The following OSBP variants were observed in gnomAD, a reference collection of about 807,000 sequenced individuals.
The protein encoded by OSBP is oxysterol-binding protein 1.
Under a neutral mutation model 96.6 loss-of-function variants are expected in OSBP, and 32 were observed. The observed-to-expected ratio is 0.33, with a 90% CI of 0.25 to 0.45. The LOEUF (loss-of-function observed/expected upper bound fraction) is 0.45, where lower values mean the gene tolerates loss of function less well. OSBP is among the 20% of genes least tolerant of loss of function. OSBP has a pLI of 1.00. For missense variants in OSBP, 653 were observed against 1,029.7 expected, an observed-to-expected ratio of 0.63 and a Z score of 5.01; for synonymous variants, 369 against 389.6, an observed-to-expected ratio of 0.95 and a Z score of 0.62.
rs1860913083 is a variant in OSBP, at chr11:59,615,448, C to A, written c.217G>T (p.Ala73Ser). 2 of 1,463,580 alleles carry A rather than the reference C, an allele frequency of 1.4e-6. No individual in the cohort carries two copies. The highest frequency in any genetic ancestry group is 1.5e-5 in the African/African-American group (1 of 67,630). 90.7% of individuals were successfully genotyped at this position (1,463,580 alleles called of 1,614,324 possible). A position where few individuals can be genotyped will look rare whatever the true frequency, so the allele number is the denominator to read the frequency against. The change falls in exon 1 of 14, where the codon GCG (alanine) becomes TCG (serine). Residue 73 changes from alanine to serine, a missense_variant. By Grantham distance (99) the Ala-to-Ser change is moderately conservative. Around this residue, in one of 6 missense-constraint regions of OSBP, gnomAD observed 151 missense variants for 146.1 expected, o/e 1.03. Transcript: ENST00000263847. ...CCGCCCGAGCCCCCAGTCGGCGGCG[C>A]AGGGGCCGGGCCAGCCGCCGCCACT... is the stretch of plus-strand genomic sequence containing the variant. ...GGVAAAGPAP[A>S]PPTGGSGGSG... is the part of the protein sequence containing the mutation.
intron 1 of OSBP, among the ~76,000 whole-genome samples, chr11:59,610,860 T>A (rs1028263967): frequency 6.6e-6 from 1 of 151,686 alleles, no homozygotes; most frequent in African/African-American, 2.4e-5. Flanking sequence ...AAATAGGCTT[T>A]ACAGGCCGGG....
chr11:59,594,902 G>A (rs1860629539), intron 7 of OSBP, among the ~76,000 whole-genome samples: 1 of 152,092 alleles, frequency 6.6e-6, no homozygotes, highest in African/African-American at 2.4e-5. Flanking sequence ...ACCAAGTACT[G>A]GATAAAGCAA....
At chr11:59,615,140 C>G (rs979061333) in intron 1 of OSBP, among the ~76,000 whole-genome samples, 163 bp downstream of exon 1, 4 of 152,234 alleles carry the variant, frequency 2.6e-5, no homozygotes, top group African/African-American at 2.4e-5. Context: ...TTTTCACTTT[C>G]GTGACAGTGG....
chr11:59,599,938 C>T (rs1003703748), intron 7 of OSBP, among the ~76,000 whole-genome samples: 4 of 152,154 alleles, frequency 2.6e-5, no homozygotes, highest in Admixed American at 2.0e-4. Context: ...CAGCTGAGGA[C>T]TGACATGACT....
At chr11:59,598,041 C>T (rs1860679681) in intron 7 of OSBP, among the ~76,000 whole-genome samples, 2 of 152,262 alleles carry the variant, frequency 1.3e-5, no homozygotes, top group Admixed American at 6.5e-5. Flanking sequence ...GGTCTCCCCA[C>T]GTTGCCCAGA....
chr11:59,601,452 C>A, intron 4 of OSBP, 67 bp from the exon 5 acceptor site: 4 of 1,271,630 alleles, frequency 3.1e-6, no homozygotes, highest in Admixed American at 1.8e-5. Flanking sequence ...ATAGCAAGTT[C>A]TTTTAAATAC....
rs1860830072 is a variant in OSBP, at chr11:59,610,427, G to A, written c.525C>T (p.Ala175=). The A allele has an allele frequency of 1.2e-6, 2 of 1,613,678 alleles. No homozygotes were observed. Among genetic ancestry groups the A allele is most frequent in the Admixed American group, 1.7e-5 (1 of 60,010 alleles). The change falls in exon 2 of 14, where the codon GCC becomes GCT. Residue 175 remains alanine, a synonymous_variant. Coordinates refer to ENST00000263847, the MANE Select transcript of OSBP (RefSeq NM_002556.3). Reference sequence around the variant, plus strand: ...CAGCTTTGGCCTTGGCCAGTTCCAGGGCCGTCACCCAGCGCTGCCGCTCAA... The same window carrying A: ...CAGCTTTGGCCTTGGCCAGTTCCAGAGCCGTCACCCAGCGCTGCCGCTCAA... ...SEVERQRWVT[A]LELAKAKAVK... is the part of the protein sequence containing the mutation.
chr11:59,605,666 G>A (rs1447644683), intron 3 of OSBP, among the ~76,000 whole-genome samples: 1 of 152,170 alleles, frequency 6.6e-6, no homozygotes, highest in Non-Finnish European at 1.5e-5. Context: ...GATTACAGGT[G>A]TGAGGCACCA....
intron 7 of OSBP, among the ~76,000 whole-genome samples, chr11:59,595,367 C>A (rs558581659): frequency 6.6e-6 from 1 of 151,934 alleles, no homozygotes; most frequent in East Asian, 1.9e-4. Flanking sequence ...CCTTAAGCAA[C>A]GCTTTACTTA....
At chr11:59,583,875 T>C (rs1249584431) in intron 9 of OSBP, among the ~76,000 whole-genome samples, 1 of 150,982 alleles carries the variant, frequency 6.6e-6, no homozygotes, top group Non-Finnish European at 1.5e-5. Context: ...ACTGACCTCG[T>C]GATCTGCCCA....
intron 9 of OSBP, among the ~76,000 whole-genome samples, chr11:59,590,899 A>C (rs1860570490): frequency 6.6e-6 from 1 of 152,174 alleles, no homozygotes; most frequent in Admixed American, 6.5e-5. Context: ...CATTCTTTAG[A>C]TTTCTATATT....
chr11:59,607,655 A>G (rs1565120960), intron 3 of OSBP, among the ~76,000 whole-genome samples: 1 of 152,200 alleles, frequency 6.6e-6, no homozygotes, highest in Non-Finnish European at 1.5e-5. Flanking sequence ...TTTATGCAGA[A>G]GGTAACTAAA....
At position 59,576,823 on chromosome 11, in the gene OSBP, T is replaced by C. The variant is rs779352340; in HGVS notation, c.2263A>G (p.Met755Val). ...TCATTACCATCCTCTGTGGCTTTCATAGCTTCCGCTTCTCTCTTCTTTCTG... is the reference window on the plus strand; with the variant it reads ...TCATTACCATCCTCTGTGGCTTTCACAGCTTCCGCTTCTCTCTTCTTTCTG... ...LSRKKREAEA[M>V]KATEDGTPYD... Residue 755 changes from methionine to valine, a missense_variant, in exon 13 of 14, where the codon ATG becomes GTG. Transcript: ENST00000263847. 6 of 1,614,158 alleles carry C rather than the reference T, an allele frequency of 3.7e-6. No homozygotes were observed. The highest frequency in any genetic ancestry group is 1.3e-5 in the African/African-American group (1 of 75,042).
intron 7 of OSBP, among the ~76,000 whole-genome samples, chr11:59,594,721 C>T (rs531169589): frequency 6.6e-6 from 1 of 152,328 alleles, no homozygotes; most frequent in Admixed American, 6.5e-5. Context: ...TTAGTTTCCA[C>T]CCTGGACAAA....
At chr11:59,610,737 A>G (rs1428979523) in intron 1 of OSBP, 148 bp from the exon 2 acceptor site, 2 of 649,244 alleles carry the variant, frequency 3.1e-6, no homozygotes, top group Non-Finnish European at 5.5e-6. Context: ...GGTCCCTAAA[A>G]TTCACGAAAC....
chr11:59,599,272 G>C (rs1163595896), intron 7 of OSBP, among the ~76,000 whole-genome samples: 1 of 152,196 alleles, frequency 6.6e-6, no homozygotes, highest in Non-Finnish European at 1.5e-5. Flanking sequence ...GTATCATTGT[G>C]CTCCTATAAA....
intron 7 of OSBP, among the ~76,000 whole-genome samples, chr11:59,596,901 C>T (rs886909791): frequency 6.6e-6 from 1 of 152,072 alleles, no homozygotes; most frequent in Non-Finnish European, 1.5e-5. Flanking sequence ...AAAAACACTT[C>T]CTAGAGGGAT....
In OSBP at chr11:59,583,430, A is replaced by G. The variant is rs753634896; in HGVS notation, c.1679-1876T>C. On this transcript the variant is annotated intron_variant, in intron 9 of 13. Transcript: ENST00000263847. ...ATTGTGGTTTAGACATGTTTCTTAT[A>G]CAAAAAATTAAAGTAGCCCTAATAA... Among the ~76,000 whole-genome samples, 8 of 152,222 alleles carry G rather than the reference A, an allele frequency of 5.3e-5. No individual in the cohort carries two copies. In the East Asian group the frequency reaches 7.7e-4, roughly 15 times the overall value.
At chr11:59,593,983 T>C (rs1860617474) in intron 8 of OSBP, 27 bp downstream of exon 8, 1 of 1,607,370 alleles carries the variant, frequency 6.2e-7, no homozygotes, top group Non-Finnish European at 8.5e-7. Context: ...AGAAAGGAAA[T>C]GCGTTATGGT....
Sources: gnomAD v4.1 joint callset for allele counts (sites outside exome capture counted in the v4.1 genomes callset) on GRCh38, gnomAD v4.1.1 for gene constraint, gnomAD v4.1.1 regional missense constraint, MANE v1.5 for transcripts, NCBI Gene and HGNC (gene_info 2026-07-23, HGNC 2026-07-21) for gene names.